Variants in SULF1 observed in about 807,000 individuals in gnomAD.
SULF1 encodes sulfatase 1, also known as extracellular sulfatase Sulf-1.
SULF1 carries 46 observed loss-of-function variants against 110.5 expected under a neutral mutation model. The observed-to-expected ratio is 0.42, with a 90% CI of 0.33 to 0.53. The LOEUF (loss-of-function observed/expected upper bound fraction) is 0.53. Among genes scored for constraint, SULF1 ranks in the 20% least tolerant of loss-of-function variants. The probability of loss-of-function intolerance (pLI) is 0.12; values close to 1 mark genes in which losing one functional copy is unlikely to be tolerated. For synonymous variants in SULF1, 371 were observed against 387.1 expected (o/e 0.96, Z 0.49); for missense variants, 941 against 1,094.2 (o/e 0.86, Z 1.98).
At chr8:69,604,713 G>A (rs2130422480) in intron 12 of SULF1, 90 bp from the exon 13 acceptor site, 1 of 1,529,606 alleles carries the variant, frequency 6.5e-7, no homozygotes, top group Non-Finnish European at 8.9e-7. Context: ...GTGGAGTCAT[G>A]TGACAGGGTA....
At chr8:69,544,500 C>G (rs933142700) in intron 3 of SULF1, among the ~76,000 whole-genome samples, 1 of 152,178 alleles carries the variant, frequency 6.6e-6, no homozygotes, top group African/African-American at 2.4e-5. Context: ...AACTCCTGAT[C>G]TCCTGATCCT....
At chr8:69,488,568 G>T (rs888327194), upstream of SULF1, among the ~76,000 whole-genome samples, 1 of 151,548 alleles carries the variant, frequency 6.6e-6, no homozygotes, top group South Asian at 2.1e-4. Context: ...CCAACGGATG[G>T]GCTGTTTGGC....
At chr8:69,478,679 T>G (rs1247509176) in intron 1 of SULF1, among the ~76,000 whole-genome samples, 2 of 152,202 alleles carry the variant, frequency 1.3e-5, no homozygotes, top group African/African-American at 4.8e-5. Context: ...TCTGTGCTCT[T>G]TTTCCACTTA....
intron 7 of SULF1, 131 bp from the exon 8 acceptor site, chr8:69,588,835 GAGGTGC>G (rs1806658547): frequency 5.7e-6 from 4 of 707,182 alleles, no homozygotes; most frequent in Non-Finnish European, 9.0e-6. Flanking sequence ...GCTGCCTTGG[GAGGTGC>G]AGCCTTCCTT....
At chr8:69,548,391 A>G (rs766437181) in intron 3 of SULF1, among the ~76,000 whole-genome samples, 8 of 151,946 alleles carry the variant, frequency 5.3e-5, no homozygotes, top group Admixed American at 4.6e-4. Context: ...TGCTTTCCAC[A>G]TCCCAGTATC....
rs185461965 is a variant in SULF1, at chr8:69,638,342, G to A, written c.2285-160G>A. On this transcript the variant is annotated intron_variant, in intron 19 of 22. Coordinates refer to ENST00000402687, the MANE Select transcript of SULF1 (RefSeq NM_001128205.2). ...CTAGTTTCACAGCAAATTTACCTACGGGGGGAAAGGTATTATTATTCTTAA... is the reference window on the plus strand; with the variant it reads ...CTAGTTTCACAGCAAATTTACCTACAGGGGGAAAGGTATTATTATTCTTAA... The A allele has an allele frequency of 2.7e-4, 219 of 810,946 alleles. 1 individual carries two copies. The African/African-American group carries it at 3.4e-3, about 13-fold the overall frequency. The allele number at this position is 810,946 out of a possible 1,614,324, so 50.2% of individuals were successfully genotyped here.
chr8:69,506,884 C>A (rs1318311814), intron 3 of SULF1, among the ~76,000 whole-genome samples: 1 of 152,206 alleles, frequency 6.6e-6, no homozygotes, highest in African/African-American at 2.4e-5. Flanking sequence ...GAGGCAGTCA[C>A]TAAAATGAAA....
chr8:69,625,778 T>C (rs993976588), intron 15 of SULF1, among the ~76,000 whole-genome samples: 2 of 152,136 alleles, frequency 1.3e-5, no homozygotes, highest in Non-Finnish European at 2.9e-5. Context: ...TTCCACAGTG[T>C]GGAAGGGGAC....
At chr8:69,603,931 C>T (rs539744613) in intron 12 of SULF1, among the ~76,000 whole-genome samples, 3 of 152,220 alleles carry the variant, frequency 2.0e-5, no homozygotes, top group African/African-American at 4.8e-5. Flanking sequence ...GGGACATTAT[C>T]GTTAACAATA....
At chr8:69,533,671 G>A (rs1286334896) in intron 3 of SULF1, among the ~76,000 whole-genome samples, 3 of 152,028 alleles carry the variant, frequency 2.0e-5, no homozygotes, top group Non-Finnish European at 2.9e-5. Flanking sequence ...CATTTGGGTC[G>A]ATTCCATGTT....
At chr8:69,536,216 C>G (rs11996272) in intron 3 of SULF1, among the ~76,000 whole-genome samples, 19,540 of 152,168 alleles carry the variant, frequency 0.13, 1,536 homozygotes, top group Middle Eastern at 0.2. Context: ...CACCCATTGT[C>G]TGTTTGGTGT....
At chr8:69,492,564 A>T (rs565353278), upstream of SULF1, among the ~76,000 whole-genome samples, 1 of 152,292 alleles carries the variant, frequency 6.6e-6, no homozygotes, top group South Asian at 2.1e-4. Context: ...AGGGAGCCGG[A>T]ACCACATGCC....
intron 18 of SULF1, among the ~76,000 whole-genome samples, 157 bp from the exon 19 acceptor site, chr8:69,629,347 C>T (rs1298710461): frequency 6.6e-6 from 1 of 152,118 alleles, no homozygotes; most frequent in East Asian, 1.9e-4. Flanking sequence ...CTTCACTATT[C>T]CTGATTCTAT....
At chr8:69,594,774 C>T (rs1247608612) in intron 8 of SULF1, among the ~76,000 whole-genome samples, 2 of 151,492 alleles carry the variant, frequency 1.3e-5, no homozygotes, top group Admixed American at 6.6e-5. Context: ...CTACCTTGTT[C>T]TTCTCTGGGT....
chr8:69,496,572 G>A (rs1031516164), intron 2 of SULF1, among the ~76,000 whole-genome samples: 1 of 152,204 alleles, frequency 6.6e-6, no homozygotes, highest in African/African-American at 2.4e-5. Flanking sequence ...TCATGGGAAA[G>A]TTCATTATTT....
intron 1 of SULF1, among the ~76,000 whole-genome samples, chr8:69,471,543 G>A (rs149302521): frequency 1.5e-3 from 226 of 152,300 alleles, no homozygotes; most frequent in African/African-American, 5.4e-3. Flanking sequence ...TTTAACTGTA[G>A]TAGAAATTAC....
At chr8:69,517,909 T>C (rs758066290) in intron 3 of SULF1, among the ~76,000 whole-genome samples, 9 of 152,124 alleles carry the variant, frequency 5.9e-5, no homozygotes, top group Non-Finnish European at 1.3e-4. Context: ...GGAAGAAAAA[T>C]AATAAATGCA....
intron 19 of SULF1, among the ~76,000 whole-genome samples, chr8:69,632,503 T>C (rs899803697): frequency 3.9e-5 from 6 of 152,186 alleles, no homozygotes; most frequent in African/African-American, 1.4e-4. Context: ...ATTATTGCTG[T>C]ATTCCTCATA....
chr8:69,623,985 G>A lies in SULF1; in HGVS notation c.1638G>A (p.Leu546=), dbSNP rs1440810141. 13 of 1,614,078 alleles carry A rather than the reference G, an allele frequency of 8.1e-6. No individual in the cohort carries two copies. Among genetic ancestry groups the A allele is most frequent in the Non-Finnish European group, 1.1e-5 (13 of 1,180,044 alleles). Residue 546 remains leucine, a synonymous_variant, in exon 15 of 23, where the codon TTG becomes TTA. Coordinates refer to ENST00000402687, the MANE Select transcript of SULF1 (RefSeq NM_001128205.2). ...TCCATACTCGGCAGACACGTTCCTT[G>A]TCCGTCGAATTTGAAGGTGAAATAT... ...RFVHTRQTRS[L]SVEFEGEIYD...
Sources: gnomAD v4.1 joint callset for allele counts (sites outside exome capture counted in the v4.1 genomes callset) on GRCh38, gnomAD v4.1.1 for gene constraint, MANE v1.5 for transcripts, NCBI Gene and HGNC (gene_info 2026-07-23, HGNC 2026-07-21) for gene names.